SYT2: variants seen among roughly 807,000 people sequenced by gnomAD.
SYT2 encodes the protein synaptotagmin 2, also known as synaptotagmin-2.
In SYT2, 15 loss-of-function variants were observed where a neutral mutation model predicts 39.9. The observed-to-expected ratio is 0.38, with a 90% confidence interval of 0.25 to 0.58. SYT2 has a LOEUF of 0.58. Among genes scored for constraint, SYT2 ranks in the 20% least tolerant of loss-of-function variants. The pLI, the probability that SYT2 is intolerant of heterozygous loss-of-function variation, is 0.70. For synonymous variants in SYT2, 181 were observed against 204.5 expected (o/e 0.89, Z 0.98); for missense variants, 389 against 530.3 (o/e 0.73, Z 2.62).
At chr1:202,676,829 A>G (rs1653384814) in intron 1 of SYT2, among the ~76,000 whole-genome samples, 1 of 152,236 alleles carries the variant, frequency 6.6e-6, no homozygotes, top group African/African-American at 2.4e-5. Flanking sequence ...AAGCTTTGCT[A>G]TGGTTTGGCC....
chr1:202,684,514 G>A (rs569422443), intron 1 of SYT2, among the ~76,000 whole-genome samples: 29 of 152,004 alleles, frequency 1.9e-4, no homozygotes, highest in East Asian at 1.5e-3. Context: ...GTGTATATGC[G>A]CCATATTTTC....
At chr1:202,631,219 C>G (rs1460460699) in intron 1 of SYT2, among the ~76,000 whole-genome samples, 1 of 152,196 alleles carries the variant, frequency 6.6e-6, no homozygotes, top group African/African-American at 2.4e-5. Flanking sequence ...GGGTGAGCAT[C>G]TGTGGCTCTC....
At chr1:202,667,910 G>A (rs1285380809) in intron 1 of SYT2, among the ~76,000 whole-genome samples, 21 of 151,958 alleles carry the variant, frequency 1.4e-4, no homozygotes, top group Admixed American at 4.6e-4. Context: ...ACAAGGTTTC[G>A]CCATGTTGCC....
intron 1 of SYT2, among the ~76,000 whole-genome samples, chr1:202,637,057 C>T (rs1336094925): frequency 2.6e-5 from 4 of 152,214 alleles, no homozygotes; most frequent in South Asian, 2.1e-4. Flanking sequence ...TGGTGGTTCA[C>T]GCCTGTAATC....
At position 202,615,418 on chromosome 1, in the gene SYT2, G is replaced by T. The variant is rs577372361; in HGVS notation, c.-17-9629C>A. Among the ~76,000 whole-genome samples the T allele has an allele frequency of 5.9e-5, 9 of 152,160 alleles. No individual in the cohort carries two copies. In the South Asian group the frequency reaches 1.9e-3, roughly 32 times the overall value. On this transcript the variant is annotated intron_variant, in intron 1 of 8. Transcript: ENST00000367268. ...GGGTCATCCTTCCCATCCATGTGGG[G>T]TCACCCCCCCACATCCCAGGTGTCT...
At chr1:202,638,296 C>G (rs746125124) in intron 1 of SYT2, among the ~76,000 whole-genome samples, 2 of 151,670 alleles carry the variant, frequency 1.3e-5, no homozygotes, top group Non-Finnish European at 2.9e-5. Context: ...AAAGGAGCAG[C>G]ATGTGGTGAA....
chr1:202,595,455 G>A lies in SYT2; in HGVS notation c.*1302C>T, dbSNP rs1690254302. The A allele has an allele frequency of 6.6e-6, 1 of 152,246 alleles. No individual in the cohort carries two copies. The highest frequency in any genetic ancestry group is 6.5e-5 in the Admixed American group (1 of 15,284). 9.4% of individuals were successfully genotyped at this position (152,246 alleles called of 1,614,324 possible). On this transcript the variant is annotated 3_prime_UTR_variant, in exon 9 of 9. Transcript: ENST00000367268. ...CAGCTACCTATCAGCTCTCCAGCATGGAGGGCAGAGGGCCAAGGGAGCAAG... is the reference window on the plus strand; with the variant it reads ...CAGCTACCTATCAGCTCTCCAGCATAGAGGGCAGAGGGCCAAGGGAGCAAG...
chr1:202,698,157 A>C (rs189781193), intron 1 of SYT2, among the ~76,000 whole-genome samples: 13 of 152,008 alleles, frequency 8.6e-5, no homozygotes, highest in African/African-American at 3.1e-4. Flanking sequence ...CCCTCTCACC[A>C]CAGGGAATAC....
chr1:202,680,532 C>A (rs989661095), intron 1 of SYT2, among the ~76,000 whole-genome samples: 1 of 152,046 alleles, frequency 6.6e-6, no homozygotes, highest in African/African-American at 2.4e-5. Context: ...CAAAGTGAGA[C>A]CCTGTCTCAA....
In SYT2 at chr1:202,628,863, C is replaced by G. The variant is rs567511003; in HGVS notation, c.-17-23074G>C. Reference sequence around the variant, plus strand: ...GCACCTGGGCTCTGGGCAGACTGACCTGGACTGGAGTCTCGGCTCTTTTAG... The same window carrying G: ...GCACCTGGGCTCTGGGCAGACTGACGTGGACTGGAGTCTCGGCTCTTTTAG... On this transcript the variant is annotated intron_variant, in intron 1 of 8. Coordinates refer to ENST00000367268, the MANE Select transcript of SYT2 (RefSeq NM_177402.5). The surrounding 1 kb of genome is among the most constrained non-coding windows in gnomAD (Gnocchi z 4.2). 6.6e-6 allele frequency among the ~76,000 whole-genome samples: 1 copy of G among 152,384 alleles called. No individual in the cohort carries two copies. Among genetic ancestry groups the G allele is most frequent in the African/African-American group, 2.4e-5 (1 of 41,598 alleles).
At chr1:202,666,419 G>C (rs919378768) in intron 1 of SYT2, among the ~76,000 whole-genome samples, 1 of 152,104 alleles carries the variant, frequency 6.6e-6, no homozygotes, top group African/African-American at 2.4e-5. Flanking sequence ...CCTAGAATGC[G>C]GAGGGCCCAG....
In SYT2 at chr1:202,623,889, T is replaced by C. The variant is rs1691269302; in HGVS notation, c.-17-18100A>G. The stretch of plus-strand genomic sequence containing the variant: ...CAATCAATGGATCCTCCAGCCACAG[T>C]GTGAGCAGCTCTGCCTCATGTGAGG... On this transcript the variant is annotated intron_variant, in intron 1 of 8. Coordinates refer to ENST00000367268, the MANE Select transcript of SYT2 (RefSeq NM_177402.5). This position sits in a 1 kb window ranked among gnomAD's most constrained non-coding sequence, Gnocchi z 4.2. Among the ~76,000 whole-genome samples, 1 of 152,198 alleles carries C rather than the reference T, an allele frequency of 6.6e-6. No homozygotes were observed. The highest frequency in any genetic ancestry group is 1.5e-5 in the Non-Finnish European group (1 of 68,024).
chr1:202,647,527 T>C (rs892141277), intron 1 of SYT2, among the ~76,000 whole-genome samples: 23 of 151,824 alleles, frequency 1.5e-4, no homozygotes, highest in Non-Finnish European at 1.6e-4. Context: ...GCTACCTGCC[T>C]GGGCAGTGTG....
At chr1:202,644,730 G>GC (rs113766709) in intron 1 of SYT2, among the ~76,000 whole-genome samples, 7,140 of 150,180 alleles carry the variant, frequency 0.048, 271 homozygotes, top group African/African-American at 0.1. Flanking sequence ...CATGTGTGTT[G>GC]GGGGGGGCAG....
intron 1 of SYT2, among the ~76,000 whole-genome samples, chr1:202,663,458 T>G (rs974192708): frequency 6.6e-6 from 1 of 152,198 alleles, no homozygotes; most frequent in Non-Finnish European, 1.5e-5. Flanking sequence ...CCGGCTCCTC[T>G]TCCTGAATCC....
intron 1 of SYT2, among the ~76,000 whole-genome samples, chr1:202,637,405 G>A (rs1186805394): frequency 6.6e-6 from 1 of 152,232 alleles, no homozygotes; most frequent in Non-Finnish European, 1.5e-5. Flanking sequence ...TGGACTAGGG[G>A]CACACGAGTC....
At chr1:202,598,896 C>G (rs1690394225) in intron 8 of SYT2, among the ~76,000 whole-genome samples, 1 of 152,124 alleles carries the variant, frequency 6.6e-6, no homozygotes, top group African/African-American at 2.4e-5. Flanking sequence ...AGCGGCCACT[C>G]CCACCCTCTC....
chr1:202,661,581 G>A (rs1294611515), intron 1 of SYT2, among the ~76,000 whole-genome samples: 1 of 152,142 alleles, frequency 6.6e-6, no homozygotes, highest in Non-Finnish European at 1.5e-5. Context: ...CCTTCACACA[G>A]CCTGGCAGGG....
At chr1:202,664,781 T>C (rs1313519637) in intron 1 of SYT2, among the ~76,000 whole-genome samples, 1 of 152,154 alleles carries the variant, frequency 6.6e-6, no homozygotes, top group Non-Finnish European at 1.5e-5. Context: ...TGCCTCAGCC[T>C]CCCAAGTGGC....
Sources: allele counts gnomAD v4.1 joint callset (sites outside exome capture counted in the v4.1 genomes callset), GRCh38; gene constraint gnomAD v4.1.1; non-coding constraint Gnocchi (gnomAD v3.1); transcripts MANE v1.5; gene names NCBI Gene and HGNC (gene_info 2026-07-23, HGNC 2026-07-21).